Variants in AGBL4 observed in about 807,000 individuals in gnomAD.
AGBL4 encodes cytosolic carboxypeptidase 6.
In AGBL4, 58 loss-of-function variants were observed where a neutral mutation model predicts 66.4. The observed-to-expected ratio is 0.87, with a 90% CI of 0.71 to 1.09. The LOEUF (loss-of-function observed/expected upper bound fraction) is 1.09, where lower values mean the gene tolerates loss of function less well. AGBL4 is among the 50% of genes least tolerant of loss of function. The pLI, the probability that AGBL4 is intolerant of heterozygous loss-of-function variation, is 0.00. For synonymous variants in AGBL4, 234 were observed against 222.9 expected (o/e 1.05, Z -0.44); for missense variants, 579 against 631.0 (o/e 0.92, Z 0.88).
At chr1:49,010,968 G>A (rs1372208793) in intron 5 of AGBL4, among the ~76,000 whole-genome samples, 1 of 152,186 alleles carries the variant, frequency 6.6e-6, no homozygotes, top group East Asian at 1.9e-4. Context: ...ACATAGGCAT[G>A]GGCAAGGACT....
intron 3 of AGBL4, among the ~76,000 whole-genome samples, chr1:49,476,402 G>A (rs546062227): frequency 6.6e-6 from 1 of 152,086 alleles, no homozygotes; most frequent in Non-Finnish European, 1.5e-5. Flanking sequence ...GGATTATTCT[G>A]TAGATGTCTA....
At chr1:48,554,670 AT>A (rs1019769482) in intron 11 of AGBL4, among the ~76,000 whole-genome samples, 1 of 152,176 alleles carries the variant, frequency 6.6e-6, no homozygotes, top group African/African-American at 2.4e-5. Context: ...AACTTAGGGA[AT>A]GAAATTAATG....
chr1:48,665,397 C>T (rs1646169944), intron 6 of AGBL4, among the ~76,000 whole-genome samples: 1 of 152,172 alleles, frequency 6.6e-6, no homozygotes, highest in South Asian at 2.1e-4. Context: ...TGCTCGAGGA[C>T]TGGCTATTGA....
intron 3 of AGBL4, among the ~76,000 whole-genome samples, chr1:49,595,362 T>C (rs1437541519): frequency 6.6e-6 from 1 of 152,330 alleles, no homozygotes; most frequent in East Asian, 1.9e-4. Flanking sequence ...GTGCTAGGAT[T>C]ACAGGCATGA....
At chr1:48,936,447 A>G (rs1655484936) in intron 5 of AGBL4, among the ~76,000 whole-genome samples, 1 of 152,218 alleles carries the variant, frequency 6.6e-6, no homozygotes, top group Non-Finnish European at 1.5e-5. Context: ...CAAAAGAGAC[A>G]TGAAAAGCCA....
intron 2 of AGBL4, among the ~76,000 whole-genome samples, chr1:49,833,311 C>T (rs555283430): frequency 2.1e-4 from 32 of 150,914 alleles, no homozygotes; most frequent in East Asian, 1.6e-3. Flanking sequence ...TGTAGATATG[C>T]GGCGTTATTT....
chr1:49,691,086 G>A (rs749514437), intron 3 of AGBL4, among the ~76,000 whole-genome samples: 16 of 152,210 alleles, frequency 1.1e-4, no homozygotes, highest in South Asian at 4.2e-4. Context: ...GGAGGTGAAG[G>A]ATAAACAGGA....
intron 1 of AGBL4, among the ~76,000 whole-genome samples, chr1:49,947,522 C>A (rs572911975): frequency 1.3e-5 from 2 of 151,622 alleles, no homozygotes; most frequent in African/African-American, 4.8e-5. Flanking sequence ...GCAGCAAAAT[C>A]GGCATACAAA....
At chr1:48,671,382 A>T (rs1009462210) in intron 6 of AGBL4, among the ~76,000 whole-genome samples, 1 of 152,252 alleles carries the variant, frequency 6.6e-6, no homozygotes, top group Non-Finnish European at 1.5e-5. Flanking sequence ...CAGGAGCTCA[A>T]CTGCTCTCCT....
At chr1:48,686,230 C>T (rs1646529061) in intron 6 of AGBL4, among the ~76,000 whole-genome samples, 1 of 152,208 alleles carries the variant, frequency 6.6e-6, no homozygotes, top group African/African-American at 2.4e-5. Context: ...TCCTTGCCCT[C>T]ACCTTGGTTA....
chr1:49,694,697 T>C (rs954221111), intron 3 of AGBL4, among the ~76,000 whole-genome samples: 2 of 152,176 alleles, frequency 1.3e-5, no homozygotes, highest in African/African-American at 4.8e-5. Flanking sequence ...AGAGGCTGTA[T>C]AGCTTCGACA....
chr1:49,760,081 T>C (rs926408703), intron 2 of AGBL4, among the ~76,000 whole-genome samples: 1 of 150,122 alleles, frequency 6.7e-6, no homozygotes, highest in African/African-American at 2.4e-5. Context: ...CACCAAATCA[T>C]CTGCTTTAAA....
chr1:49,219,404 T>C (rs963130525), intron 4 of AGBL4, among the ~76,000 whole-genome samples: 3 of 152,162 alleles, frequency 2.0e-5, no homozygotes, highest in African/African-American at 7.2e-5. Context: ...TATCAGTCTT[T>C]TCTTTTGAAA....
intron 5 of AGBL4, among the ~76,000 whole-genome samples, chr1:48,962,131 A>ATCCG (rs1380918864): frequency 5.3e-5 from 6 of 114,138 alleles, no homozygotes; most frequent in Non-Finnish European, 8.0e-5. Context: ...CCATCCGTCC[A>ATCCG]TCCATCCATC....
intron 3 of AGBL4, among the ~76,000 whole-genome samples, chr1:49,448,497 C>T (rs1646208430): frequency 6.6e-6 from 1 of 152,160 alleles, no homozygotes; most frequent in Non-Finnish European, 1.5e-5. Context: ...GCATGGATAA[C>T]TTGACATCAC....
chr1:49,919,489 T>C (rs1222820957), intron 1 of AGBL4, among the ~76,000 whole-genome samples: 1 of 152,144 alleles, frequency 6.6e-6, no homozygotes, highest in African/African-American at 2.4e-5. Flanking sequence ...CCATTCACAA[T>C]TGCTTCAAAG....
At chr1:49,660,326 T>C (rs1646243837) in intron 3 of AGBL4, among the ~76,000 whole-genome samples, 1 of 152,084 alleles carries the variant, frequency 6.6e-6, no homozygotes, top group Non-Finnish European at 1.5e-5. Context: ...AGAATATATT[T>C]ATGCAGCCAA....
intron 5 of AGBL4, among the ~76,000 whole-genome samples, chr1:48,902,032 T>C (rs574208314): frequency 1.3e-5 from 2 of 152,246 alleles, no homozygotes; most frequent in South Asian, 2.1e-4. Flanking sequence ...CTCCCCATTA[T>C]ATAATCATCA....
chr1:49,172,355 G>A (rs189052394), intron 4 of AGBL4, among the ~76,000 whole-genome samples: 7 of 152,314 alleles, frequency 4.6e-5, no homozygotes, highest in Non-Finnish European at 8.8e-5. Flanking sequence ...AATGAGCCAG[G>A]ATGAGCCAGA....
Sources: allele counts gnomAD v4.1 joint callset (sites outside exome capture counted in the v4.1 genomes callset), GRCh38; gene constraint gnomAD v4.1.1; transcripts MANE v1.5; gene names NCBI Gene and HGNC (gene_info 2026-07-23, HGNC 2026-07-21).